The following EAF2 variants were observed in gnomAD, a reference collection of about 807,000 sequenced individuals.
EAF2 encodes the protein ELL-associated factor 2.
Under a neutral mutation model 29.4 loss-of-function variants are expected in EAF2, and 29 were observed. The ratio of observed to expected loss-of-function variants is 0.99; its 90% CI spans 0.73 to 1.35. The LOEUF is 1.35. Ranked by LOEUF, EAF2 falls within the 40% of genes most tolerant of loss-of-function variation. EAF2 has a pLI of 0.00. For missense variants in EAF2, 292 were observed against 312.0 expected (o/e 0.94, Z 0.48); for synonymous variants, 103 against 102.5 (o/e 1.00, Z -0.03).
At chr3:121,841,374 GCA>G (rs1299941805) in intron 1 of EAF2, among the ~76,000 whole-genome samples, 1 of 151,202 alleles carries the variant, frequency 6.6e-6, no homozygotes, top group African/African-American at 2.4e-5. Context: ...CTGTAGTGGC[GCA>G]CGCTTGTAAT....
intron 5 of EAF2, among the ~76,000 whole-genome samples, chr3:121,881,720 A>G (rs1161911317): frequency 6.6e-6 from 1 of 152,030 alleles, no homozygotes; most frequent in African/African-American, 2.4e-5. Flanking sequence ...TGTGTTGCCC[A>G]GGCTGGTCTC....
intron 2 of EAF2, among the ~76,000 whole-genome samples, chr3:121,854,315 CAAA>C (rs34965578): frequency 2.9e-5 from 3 of 104,390 alleles, no homozygotes; most frequent in African/African-American, 3.7e-5. Flanking sequence ...GACTCTGTCT[CAAA>C]AAAAAAAAAA....
chr3:121,837,466 G>A (rs1054565055), intron 1 of EAF2: 1 of 152,150 alleles, frequency 6.6e-6, no homozygotes, highest in African/African-American at 2.4e-5. Context: ...GGCAAACCCG[G>A]ATGTGAATCC....
chr3:121,868,271 A>T (rs552706814), intron 4 of EAF2, among the ~76,000 whole-genome samples: 1 of 152,174 alleles, frequency 6.6e-6, no homozygotes, highest in Non-Finnish European at 1.5e-5. Context: ...AAGCACAAAC[A>T]TGTGACCATA....
In EAF2 at chr3:121,859,262, G is replaced by A. The variant is rs543163159; in HGVS notation, c.484+2106G>A. ...TTGAATCTATAAATTACCTTGGACAGTATGGCCATTTTCACGATATTGACT... is the reference window on the plus strand; with the variant it reads ...TTGAATCTATAAATTACCTTGGACAATATGGCCATTTTCACGATATTGACT... On this transcript the variant is annotated intron_variant, in intron 4 of 5. Coordinates refer to ENST00000273668, the MANE Select transcript of EAF2 (RefSeq NM_018456.6). Among the ~76,000 whole-genome samples, 11 of 152,264 alleles carry A rather than the reference G, an allele frequency of 7.2e-5. No individual in the cohort carries two copies. In the South Asian group the frequency reaches 2.3e-3, roughly 32 times the overall value.
chr3:121,883,003 C>A (rs1709217605), intron 5 of EAF2, among the ~76,000 whole-genome samples: 1 of 151,768 alleles, frequency 6.6e-6, no homozygotes, highest in Admixed American at 6.6e-5. Flanking sequence ...GTACATACAT[C>A]TTTGAAAAGC....
chr3:121,862,825 G>T (rs983142731), intron 4 of EAF2, among the ~76,000 whole-genome samples: 1 of 152,074 alleles, frequency 6.6e-6, no homozygotes, highest in Admixed American at 6.5e-5. Flanking sequence ...GTAGATAAAG[G>T]TTTTATCTAC....
chr3:121,868,491 A>G (rs1012732460), intron 4 of EAF2, among the ~76,000 whole-genome samples: 1 of 152,138 alleles, frequency 6.6e-6, no homozygotes, highest in Admixed American at 6.6e-5. Context: ...CCAGCCACTC[A>G]GGAAGCTGAG....
At chr3:121,861,318 TG>T (rs1199427082) in intron 4 of EAF2, among the ~76,000 whole-genome samples, 9 of 152,122 alleles carry the variant, frequency 5.9e-5, no homozygotes, top group African/African-American at 2.2e-4. Flanking sequence ...TCTCTTTGTA[TG>T]TCTCTAAGGA....
At chr3:121,880,694 T>C (rs1709179349) in intron 5 of EAF2, among the ~76,000 whole-genome samples, 1 of 152,130 alleles carries the variant, frequency 6.6e-6, no homozygotes, top group Non-Finnish European at 1.5e-5. Flanking sequence ...ACTTCCTCCT[T>C]TGCAATTTGG....
At chr3:121,863,501 G>GTGCGGGATAT (rs1708869377) in intron 4 of EAF2, among the ~76,000 whole-genome samples, 1 of 152,336 alleles carries the variant, frequency 6.6e-6, no homozygotes, top group East Asian at 1.9e-4. Flanking sequence ...CTCCGAGCCA[G>GTGCGGGATAT]GTGCGGGATA....
At chr3:121,870,964 T>C (rs756494322) in intron 4 of EAF2, among the ~76,000 whole-genome samples, 4 of 152,012 alleles carry the variant, frequency 2.6e-5, no homozygotes, top group Non-Finnish European at 5.9e-5. Context: ...GTAAAATCAG[T>C]TTGAAAACTG....
intron 2 of EAF2, among the ~76,000 whole-genome samples, chr3:121,850,837 C>G (rs1324870544): frequency 6.6e-6 from 1 of 152,020 alleles, no homozygotes; most frequent in African/African-American, 2.4e-5. Context: ...GCTGGGATTA[C>G]AGGCAGTGCC....
intron 4 of EAF2, among the ~76,000 whole-genome samples, chr3:121,862,365 A>C (rs1708847912): frequency 6.6e-6 from 1 of 151,986 alleles, no homozygotes; most frequent in African/African-American, 2.4e-5. Flanking sequence ...GGCTTTGTTC[A>C]TTTCTTTTTA....
chr3:121,870,279 A>G (rs11928841), intron 4 of EAF2, among the ~76,000 whole-genome samples: 12 of 152,232 alleles, frequency 7.9e-5, no homozygotes, highest in African/African-American at 2.2e-4. Context: ...AAAATTATCA[A>G]TGAAATATTA....
At chr3:121,839,645 A>G (rs1203705045) in intron 1 of EAF2, among the ~76,000 whole-genome samples, 1 of 152,234 alleles carries the variant, frequency 6.6e-6, no homozygotes, top group African/African-American at 2.4e-5. Context: ...GAGAGTTTTG[A>G]AGTAGAGATG....
chr3:121,846,174 C>T (rs1708525559), intron 2 of EAF2, among the ~76,000 whole-genome samples: 1 of 152,166 alleles, frequency 6.6e-6, no homozygotes, highest in Non-Finnish European at 1.5e-5. Context: ...AACTCTCTAT[C>T]CTCTCATCTG....
At chr3:121,848,423 A>C (rs1559819232) in intron 2 of EAF2, among the ~76,000 whole-genome samples, 1 of 152,194 alleles carries the variant, frequency 6.6e-6, no homozygotes, top group Non-Finnish European at 1.5e-5. Context: ...AATTCTCTTA[A>C]AAACATTATA....
chr3:121,836,627 A>G (rs1368860018), intron 1 of EAF2: 3 of 987,426 alleles, frequency 3.0e-6, no homozygotes, highest in African/African-American at 3.5e-5. Context: ...CTTCTTTATC[A>G]TATACTTTCT....
Sources: allele counts gnomAD v4.1 joint callset (sites outside exome capture counted in the v4.1 genomes callset), GRCh38; gene constraint gnomAD v4.1.1; transcripts MANE v1.5; gene names NCBI Gene and HGNC (gene_info 2026-07-23, HGNC 2026-07-21).